LRFN5: variants seen among roughly 807,000 people sequenced by gnomAD.
LRFN5 encodes leucine rich repeat and fibronectin type III domain containing 5.
In LRFN5, 24 loss-of-function variants were observed where a neutral mutation model predicts 45.6. The observed-to-expected ratio is 0.53, with a 90% CI of 0.38 to 0.74. The LOEUF (loss-of-function observed/expected upper bound fraction) is 0.74. LRFN5 is among the 30% of genes least tolerant of loss of function. LRFN5 has a pLI of 0.00. For missense variants in LRFN5, 776 were observed against 861.5 expected, an observed-to-expected ratio of 0.90 and a Z score of 1.24; for synonymous variants, 340 against 313.8, an observed-to-expected ratio of 1.08 and a Z score of -0.88.
intron 1 of LRFN5, among the ~76,000 whole-genome samples, chr14:41,760,838 C>A (rs540980726): frequency 6.6e-6 from 1 of 151,976 alleles, no homozygotes; most frequent in South Asian, 2.1e-4. Context: ...TATTATAGAA[C>A]AACATGGTTA....
chr14:41,858,280 G>C (rs776486748), intron 2 of LRFN5, among the ~76,000 whole-genome samples: 1 of 152,100 alleles, frequency 6.6e-6, no homozygotes, highest in Non-Finnish European at 1.5e-5. Context: ...GCACCACCCA[G>C]TTATTGCCAC....
At chr14:41,860,939 T>G (rs1449866189) in intron 2 of LRFN5, among the ~76,000 whole-genome samples, 2 of 152,200 alleles carry the variant, frequency 1.3e-5, no homozygotes, top group East Asian at 3.8e-4. Flanking sequence ...GAAAGAATAC[T>G]CTAAAGCCAA....
At chr14:41,826,250 G>T (rs1426705325) in intron 2 of LRFN5, among the ~76,000 whole-genome samples, 1 of 152,176 alleles carries the variant, frequency 6.6e-6, no homozygotes, top group East Asian at 1.9e-4. Context: ...ACATTATGAA[G>T]ATTATGTAGA....
At chr14:41,871,090 A>T (rs925590269) in intron 2 of LRFN5, among the ~76,000 whole-genome samples, 6 of 152,120 alleles carry the variant, frequency 3.9e-5, no homozygotes, top group African/African-American at 1.4e-4. Flanking sequence ...TGCTTTTAAA[A>T]ACTAGAAAAA....
chr14:41,721,752 A>T (rs767149978), intron 1 of LRFN5, among the ~76,000 whole-genome samples: 6 of 152,078 alleles, frequency 3.9e-5, no homozygotes, highest in Non-Finnish European at 7.4e-5. Flanking sequence ...GCCTGATGGG[A>T]TTCCCTTTGT....
intron 1 of LRFN5, among the ~76,000 whole-genome samples, chr14:41,675,463 C>A (rs899549768): frequency 2.0e-5 from 3 of 152,248 alleles, no homozygotes; most frequent in Admixed American, 1.3e-4. Context: ...ACCAGTCAGG[C>A]GTGGCGGCGC....
chr14:41,781,665 GGAA>G (rs1886529582), intron 2 of LRFN5, among the ~76,000 whole-genome samples: 1 of 141,264 alleles, frequency 7.1e-6, no homozygotes, highest in African/African-American at 2.6e-5. Context: ...AAGAAAGAAA[GGAA>G]AGAAAGAAAG....
In LRFN5 at chr14:41,887,543, G is replaced by A; in HGVS notation, c.918G>A (p.Leu306=). The change falls in exon 3 of 6, where the codon CTG becomes CTA. Residue 306 remains leucine (L), a synonymous_variant. Transcript: ENST00000298119. This position sits in a 1 kb window ranked among gnomAD's most constrained non-coding sequence, Gnocchi z 4.8. Reference sequence around the variant, plus strand: ...TCCTGGAGGGACAAAGGGCAACACTGAGGTGCAAAGCCAGGGGAGACCCTG... The same window carrying A: ...TCCTGGAGGGACAAAGGGCAACACTAAGGTGCAAAGCCAGGGGAGACCCTG... The part of the protein sequence containing the change: ...MRVLEGQRAT[L]RCKARGDPEP... 1 of 1,614,196 alleles carries A rather than the reference G, an allele frequency of 6.2e-7. No individual in the cohort carries two copies. The highest frequency in any genetic ancestry group is 8.5e-7 in the Non-Finnish European group (1 of 1,180,024).
At chr14:41,804,975 A>G (rs1451684568) in intron 2 of LRFN5, among the ~76,000 whole-genome samples, 1 of 152,078 alleles carries the variant, frequency 6.6e-6, no homozygotes, top group Admixed American at 6.6e-5. Flanking sequence ...TATTAATTGT[A>G]AATATCTTTA....
chr14:41,806,783 A>G (rs570487942), intron 2 of LRFN5, among the ~76,000 whole-genome samples: 1 of 152,268 alleles, frequency 6.6e-6, no homozygotes, highest in South Asian at 2.1e-4. Context: ...CCGTACACAG[A>G]CAGATCTGAA....
At chr14:41,770,242 T>A (rs1886033055) in intron 2 of LRFN5, among the ~76,000 whole-genome samples, 1 of 152,190 alleles carries the variant, frequency 6.6e-6, no homozygotes, top group Non-Finnish European at 1.5e-5. Context: ...GATTACATTG[T>A]AATAAGAGAT....
In LRFN5 at chr14:41,746,929, A is replaced by G. The variant is rs139141182; in HGVS notation, c.-196-19925A>G. ...CACTAATAATGAACAGTATGAAAAGAAAATTGAGAAAATGATTCCATTTAC... is the reference window on the plus strand; with the variant it reads ...CACTAATAATGAACAGTATGAAAAGGAAATTGAGAAAATGATTCCATTTAC... On this transcript the variant is annotated intron_variant, in intron 1 of 5. Coordinates refer to ENST00000298119, the MANE Select transcript of LRFN5 (RefSeq NM_152447.5). 4.6e-5 allele frequency among the ~76,000 whole-genome samples: 7 copies of G among 152,114 alleles called. No homozygotes were observed. The East Asian group carries it at 1.4e-3, about 29-fold the overall frequency.
intron 5 of LRFN5, among the ~76,000 whole-genome samples, 173 bp downstream of exon 5, chr14:41,899,133 TCA>T (rs1891030502): frequency 6.6e-6 from 1 of 152,162 alleles, no homozygotes; most frequent in Non-Finnish European, 1.5e-5. Context: ...TTAAGTGAAT[TCA>T]CAGTTTCTAA....
In LRFN5 at chr14:41,891,793, G is replaced by C. The variant is rs1414079975; in HGVS notation, c.1929G>C (p.Gln643His). ...WTSSTSVSQK[Q>H]KRKTGTKPST... ...CAAGCACTTCTGTGTCCCAAAAGCA[G>C]AAAAGAAAGACTGGCACAAAGCCAA... The change falls in exon 4 of 6, where the codon CAG becomes CAC. Residue 643 changes from glutamine to histidine, a missense_variant. This residue lies in a region of LRFN5 where 465 missense variants were observed against 456.4 expected (regional missense o/e 1.02). Transcript: ENST00000298119. 2 of 1,614,158 alleles carry C rather than the reference G, an allele frequency of 1.2e-6. No individual in the cohort carries two copies. Among genetic ancestry groups the C allele is most frequent in the Admixed American group, 3.3e-5 (2 of 60,016 alleles).
chr14:41,896,505 T>A lies in LRFN5; in HGVS notation c.2099-2412T>A, dbSNP rs1418896221. On this transcript the variant is annotated intron_variant, in intron 4 of 5. Transcript: ENST00000298119. ...GAAAAGGATATTTTTCTTATCCTTT[T>A]ATGTTGCTAATAATAACACTGTACC... Among the ~76,000 whole-genome samples, 3 of 152,220 alleles carry A rather than the reference T, an allele frequency of 2.0e-5. No homozygotes were observed. In the East Asian group the frequency reaches 5.8e-4, roughly 29 times the overall value.
At chr14:41,876,533 T>G (rs1481224355) in intron 2 of LRFN5, among the ~76,000 whole-genome samples, 1 of 151,740 alleles carries the variant, frequency 6.6e-6, no homozygotes, top group Non-Finnish European at 1.5e-5. Flanking sequence ...CCTGACCTCG[T>G]GATCCACCCG....
chr14:41,685,730 C>T (rs1882090345), intron 1 of LRFN5, among the ~76,000 whole-genome samples: 1 of 152,050 alleles, frequency 6.6e-6, no homozygotes. Flanking sequence ...AGGGCTTTTC[C>T]CCATTGCTTG....
Position 41,891,594 on chromosome 14 carries a change from A to T in LRFN5, c.1730A>T (p.Gln577Leu), listed in dbSNP as rs767120202. 2 of 1,614,216 alleles carry T rather than the reference A, an allele frequency of 1.2e-6. No individual in the cohort carries two copies. Among genetic ancestry groups the T allele is most frequent in the South Asian group, 2.2e-5 (2 of 91,084 alleles). Residue 577 changes from glutamine (Q) to leucine (L), a missense_variant, in exon 4 of 6, where the codon CAA becomes CTA. By Grantham distance (113) the Gln-to-Leu change is moderately radical. Around this residue, in one of 2 missense-constraint regions of LRFN5, gnomAD observed 465 missense variants for 456.4 expected, o/e 1.02. Coordinates refer to ENST00000298119, the MANE Select transcript of LRFN5 (RefSeq NM_152447.5). ...GTTTATTCCCAAACTAACGGGGCTC[A>T]AATACAAGGCTGTAGTGTAACGCTG... ...SNVYSQTNGA[Q>L]IQGCSVTLPQ...
intron 1 of LRFN5, among the ~76,000 whole-genome samples, chr14:41,682,966 G>T (rs991419859): frequency 3.3e-5 from 5 of 152,008 alleles, no homozygotes; most frequent in African/African-American, 1.2e-4. Flanking sequence ...TGTGAGGCCA[G>T]TATTACCCTG....
Sources: gnomAD v4.1 joint callset for allele counts (sites outside exome capture counted in the v4.1 genomes callset) on GRCh38, gnomAD v4.1.1 for gene constraint, gnomAD v4.1.1 regional missense constraint, Gnocchi (gnomAD v3.1) non-coding constraint, MANE v1.5 for transcripts, NCBI Gene and HGNC (gene_info 2026-07-23, HGNC 2026-07-21) for gene names.